Variants in AFF1 observed in about 807,000 individuals in gnomAD.
The protein encoded by AFF1 is AF4/FMR2 family member 1.
Under a neutral mutation model 121.7 loss-of-function variants are expected in AFF1, and 48 were observed. That is an observed-to-expected ratio of 0.39 (90% CI 0.31 to 0.50). The LOEUF (loss-of-function observed/expected upper bound fraction) is 0.50, where lower values mean the gene tolerates loss of function less well. AFF1 is among the 20% of genes least tolerant of loss of function. The pLI is 0.76. For synonymous variants in AFF1, 613 were observed against 563.0 expected (o/e 1.09, Z -1.26); for missense variants, 1,523 against 1,511.7 (o/e 1.01, Z -0.12).
At chr4:86,991,024 C>T (rs1368755951) in intron 2 of AFF1, among the ~76,000 whole-genome samples, 12 of 151,966 alleles carry the variant, frequency 7.9e-5, no homozygotes, top group South Asian at 2.1e-4. Flanking sequence ...TGGTGGCGGG[C>T]GCCTGTAATC....
chr4:87,127,846 GTGTA>G, intron 16 of AFF1, 143 bp downstream of exon 16: 2 of 785,160 alleles, frequency 2.5e-6, no homozygotes, highest in South Asian at 3.5e-5. Flanking sequence ...GGAGAAAGGA[GTGTA>G]TGGGCCCTAC....
chr4:86,987,957 A>G (rs1002379791), intron 2 of AFF1, among the ~76,000 whole-genome samples: 1 of 152,020 alleles, frequency 6.6e-6, no homozygotes, highest in South Asian at 2.1e-4. Context: ...AAAAAAAAAA[A>G]AAAAAATTAT....
chr4:87,043,840 A>G (rs965533269), intron 2 of AFF1, among the ~76,000 whole-genome samples: 2 of 150,082 alleles, frequency 1.3e-5, no homozygotes, highest in Non-Finnish European at 3.0e-5. Flanking sequence ...TTTTTTTGAG[A>G]CGGAGTCTCG....
At chr4:86,947,304 T>C (rs367636876) in intron 1 of AFF1, among the ~76,000 whole-genome samples, 2 of 152,270 alleles carry the variant, frequency 1.3e-5, no homozygotes, top group East Asian at 3.9e-4. Context: ...GGAGAAAGAG[T>C]GGCAAATTAT....
chr4:87,015,515 C>T (rs1727205929), intron 2 of AFF1, among the ~76,000 whole-genome samples: 1 of 152,160 alleles, frequency 6.6e-6, no homozygotes, highest in African/African-American at 2.4e-5. Flanking sequence ...GCCACTGGAA[C>T]TTAGTTTTTG....
intron 2 of AFF1, chr4:87,007,008 A>T: frequency 9.0e-7 from 1 of 1,105,342 alleles, no homozygotes; most frequent in Non-Finnish European, 1.1e-6. Context: ...TTTCCTTTCT[A>T]ACTGTGGCCC....
intron 2 of AFF1, among the ~76,000 whole-genome samples, chr4:86,974,738 A>G (rs1265344470): frequency 6.6e-6 from 1 of 152,228 alleles, no homozygotes; most frequent in Admixed American, 6.5e-5. Flanking sequence ...AACATTTCAT[A>G]CATAAAGAGC....
At chr4:87,090,271 A>G (rs148015307) in intron 6 of AFF1, among the ~76,000 whole-genome samples, 218 of 152,382 alleles carry the variant, frequency 1.4e-3, no homozygotes, top group Admixed American at 2.5e-3. Context: ...ATTTTCATAA[A>G]GCTTTATAAT....
At chr4:86,998,549 G>T (rs538518531) in intron 2 of AFF1, among the ~76,000 whole-genome samples, 5 of 152,234 alleles carry the variant, frequency 3.3e-5, no homozygotes, top group African/African-American at 4.8e-5. Flanking sequence ...TGCTACAGAG[G>T]CCCCATCAAT....
At chr4:87,037,309 G>T (rs904745346) in intron 2 of AFF1, among the ~76,000 whole-genome samples, 34 of 152,046 alleles carry the variant, frequency 2.2e-4, no homozygotes, top group African/African-American at 8.0e-4. Flanking sequence ...ATGCTGCTTG[G>T]TGGTAGGTTG....
intron 4 of AFF1, among the ~76,000 whole-genome samples, chr4:87,064,619 CTA>C (rs1013359026): frequency 1.3e-5 from 2 of 152,070 alleles, no homozygotes; most frequent in African/African-American, 4.8e-5. Flanking sequence ...TGGCTCATGT[CTA>C]TAATCTCAGC....
intron 2 of AFF1, among the ~76,000 whole-genome samples, chr4:86,955,255 C>G (rs1326880608): frequency 1.3e-5 from 2 of 152,154 alleles, no homozygotes; most frequent in Non-Finnish European, 2.9e-5. Context: ...GATTTTATTT[C>G]TCCTCCAGCG....
chr4:87,078,212 A>G (rs1722857089), intron 4 of AFF1, among the ~76,000 whole-genome samples: 1 of 152,218 alleles, frequency 6.6e-6, no homozygotes, highest in African/African-American at 2.4e-5. Flanking sequence ...GGAGAAAACA[A>G]TGCAAAACAA....
At position 87,136,791 on chromosome 4, in the gene AFF1, A is replaced by G. The variant is rs1729336603; in HGVS notation, c.*1090A>G. Reference sequence around the variant, plus strand: ...AGAGAGGCTATATTTTTCTGCTACAAATATTTTATATTTATAGCAAAACTA... The same window carrying G: ...AGAGAGGCTATATTTTTCTGCTACAGATATTTTATATTTATAGCAAAACTA... On this transcript the variant is annotated 3_prime_UTR_variant, in exon 21 of 21. Transcript: ENST00000395146. 1 of 223,264 alleles carries G rather than the reference A, an allele frequency of 4.5e-6. No individual in the cohort carries two copies. The highest frequency in any genetic ancestry group is 2.2e-5 in the African/African-American group (1 of 44,698). The allele number at this position is 223,264 out of a possible 1,614,324, so 13.8% of individuals were successfully genotyped here. A position where few individuals can be genotyped will look rare whatever the true frequency, so the allele number is the denominator to read the frequency against.
intron 2 of AFF1, among the ~76,000 whole-genome samples, chr4:86,993,867 G>C (rs983021199): frequency 8.5e-5 from 13 of 152,222 alleles, no homozygotes; most frequent in Non-Finnish European, 1.2e-4. Flanking sequence ...GGGAGGCTAA[G>C]GCAGGAGAAT....
At chr4:87,071,173 CT>C (rs34949744) in intron 4 of AFF1, among the ~76,000 whole-genome samples, 836 of 120,544 alleles carry the variant, frequency 6.9e-3, no homozygotes, top group Middle Eastern at 0.01. Flanking sequence ...CCCTACCAGT[CT>C]TTTTTTTTTT....
chr4:87,137,561 A>G lies in AFF1; in HGVS notation c.*1860A>G, dbSNP rs1204417393. Reference sequence around the variant, plus strand: ...ATGACAGCTGTAGTCATATCTGAGCATAAGACCTTGATGTGTGATTCCTGA... The same window carrying G: ...ATGACAGCTGTAGTCATATCTGAGCGTAAGACCTTGATGTGTGATTCCTGA... On this transcript the variant is annotated 3_prime_UTR_variant, in exon 21 of 21. Coordinates refer to ENST00000395146, the MANE Select transcript of AFF1 (RefSeq NM_001166693.3). 3 of 230,722 alleles carry G rather than the reference A, an allele frequency of 1.3e-5. No individual in the cohort carries two copies. Among genetic ancestry groups the G allele is most frequent in the Non-Finnish European group, 2.6e-5 (3 of 116,544 alleles). 14.3% of individuals were successfully genotyped at this position (230,722 alleles called of 1,614,324 possible).
chr4:87,084,939 A>T (rs1317994744), intron 5 of AFF1, among the ~76,000 whole-genome samples: 2 of 152,252 alleles, frequency 1.3e-5, no homozygotes, highest in African/African-American at 4.8e-5. Flanking sequence ...GGTGATACCT[A>T]ATACCTATGG....
At chr4:86,945,793 A>T (rs1338199977) in intron 1 of AFF1, among the ~76,000 whole-genome samples, 1 of 152,020 alleles carries the variant, frequency 6.6e-6, no homozygotes, top group Non-Finnish European at 1.5e-5. Flanking sequence ...TGCTTGGCCC[A>T]TGGAGGATTA....
Sources: gnomAD v4.1 joint callset for allele counts (sites outside exome capture counted in the v4.1 genomes callset) on GRCh38, gnomAD v4.1.1 for gene constraint, MANE v1.5 for transcripts, NCBI Gene and HGNC (gene_info 2026-07-23, HGNC 2026-07-21) for gene names.